The following HS3ST4 variants were observed in gnomAD, a reference collection of about 807,000 sequenced individuals.
The protein encoded by HS3ST4 is heparan sulfate-glucosamine 3-sulfotransferase 4.
A neutral mutation model predicts 29.2 loss-of-function variants in HS3ST4; 17 were observed. The ratio of observed to expected loss-of-function variants is 0.58; its 90% CI spans 0.40 to 0.87. The LOEUF (loss-of-function observed/expected upper bound fraction) is 0.87. Among genes scored for constraint, HS3ST4 ranks in the 40% least tolerant of loss-of-function variants. The pLI is 0.00. For missense variants in HS3ST4, 627 were observed against 634.5 expected, an observed-to-expected ratio of 0.99 and a Z score of 0.13; for synonymous variants, 314 against 285.7, an observed-to-expected ratio of 1.10 and a Z score of -1.00.
chr16:25,862,729 T>G (rs1967651478), intron 1 of HS3ST4, among the ~76,000 whole-genome samples: 1 of 152,210 alleles, frequency 6.6e-6, no homozygotes, highest in African/African-American at 2.4e-5. Context: ...CAATTATGAG[T>G]GATGTAGCTA....
intron 1 of HS3ST4, chr16:25,824,763 A>G (rs1044725486): frequency 5.3e-5 from 8 of 152,214 alleles, no homozygotes; most frequent in African/African-American, 1.9e-4. Context: ...GGTGCCACAT[A>G]TAGAAGTCTT....
At chr16:25,899,130 G>A (rs1002072628) in intron 1 of HS3ST4, among the ~76,000 whole-genome samples, 1 of 152,138 alleles carries the variant, frequency 6.6e-6, no homozygotes, top group African/African-American at 2.4e-5. Context: ...CTCCATGACT[G>A]AAAGATCCTG....
At chr16:25,770,642 G>A (rs997936409) in intron 1 of HS3ST4, among the ~76,000 whole-genome samples, 1 of 152,124 alleles carries the variant, frequency 6.6e-6, no homozygotes, top group African/African-American at 2.4e-5. Context: ...AGCTACCTGG[G>A]GTAACTTTGC....
intron 1 of HS3ST4, among the ~76,000 whole-genome samples, chr16:25,750,008 T>C (rs1201291570): frequency 3.9e-5 from 6 of 152,206 alleles, no homozygotes; most frequent in African/African-American, 1.4e-4. Context: ...TGCTCATATA[T>C]TCTGTGGTGG....
At chr16:25,828,226 C>A (rs1967240962) in intron 1 of HS3ST4, among the ~76,000 whole-genome samples, 1 of 75,400 alleles carries the variant, frequency 1.3e-5, no homozygotes. Context: ...TCTTTCCTTT[C>A]TTTCTTTCTT....
intron 1 of HS3ST4, among the ~76,000 whole-genome samples, chr16:26,045,961 CA>C (rs1898259907): frequency 6.6e-6 from 1 of 152,128 alleles, no homozygotes; most frequent in Non-Finnish European, 1.5e-5. Flanking sequence ...TTTTACATTA[CA>C]TCGAAATTAC....
intron 1 of HS3ST4, among the ~76,000 whole-genome samples, chr16:25,864,382 A>G (rs1211934362): frequency 7.5e-6 from 1 of 133,692 alleles, no homozygotes; most frequent in Non-Finnish European, 1.6e-5. Context: ...GGTTGGTGCA[A>G]AAGTAATTGT....
chr16:25,777,021 A>G (rs1172182623), intron 1 of HS3ST4, among the ~76,000 whole-genome samples: 3 of 152,004 alleles, frequency 2.0e-5, no homozygotes, highest in African/African-American at 2.4e-5. Flanking sequence ...ACTTTTTTCC[A>G]TGGTTATTAT....
At chr16:25,788,992 T>A (rs1022667420) in intron 1 of HS3ST4, among the ~76,000 whole-genome samples, 4 of 152,142 alleles carry the variant, frequency 2.6e-5, no homozygotes, top group Admixed American at 6.5e-5. Context: ...CAAGTCTCAT[T>A]GGCCCAATTT....
chr16:25,816,054 G>T (rs1425885615), intron 1 of HS3ST4, among the ~76,000 whole-genome samples: 1 of 152,016 alleles, frequency 6.6e-6, no homozygotes, highest in Non-Finnish European at 1.5e-5. Context: ...AAAATCTAAA[G>T]GAGAAATAAA....
rs370255750 is a variant in HS3ST4 at position 25,835,896 on chromosome 16, T to C, written c.734+142745T>C. On this transcript the variant is annotated intron_variant, in intron 1 of 1. Coordinates refer to ENST00000331351, the MANE Select transcript of HS3ST4 (RefSeq NM_006040.3). ...GCAACAGAAATTGACGCTGGCTCAC[T>C]GAAGCAGAAGAGAACTTAGTGGGAA... is the stretch of plus-strand genomic sequence containing the variant. Among the ~76,000 whole-genome samples the C allele has an allele frequency of 3.3e-5, 5 of 152,252 alleles. No homozygotes were observed. The East Asian group carries it at 7.7e-4, about 24-fold the overall frequency.
chr16:25,770,676 G>A (rs1188283905), intron 1 of HS3ST4, among the ~76,000 whole-genome samples: 2 of 152,196 alleles, frequency 1.3e-5, no homozygotes, highest in Non-Finnish European at 2.9e-5. Flanking sequence ...CGGCCTGAAT[G>A]GCTGCCCTGC....
At chr16:25,974,376 C>G (rs1968924575) in intron 1 of HS3ST4, among the ~76,000 whole-genome samples, 1 of 152,188 alleles carries the variant, frequency 6.6e-6, no homozygotes. Flanking sequence ...TGCTAAGCCG[C>G]TTAGCCATTT....
At chr16:25,925,893 A>G (rs1266404029) in intron 1 of HS3ST4, among the ~76,000 whole-genome samples, 1 of 151,798 alleles carries the variant, frequency 6.6e-6, no homozygotes, top group East Asian at 1.9e-4. Flanking sequence ...CTCTCCTTCT[A>G]CCTGCAATGT....
intron 1 of HS3ST4, among the ~76,000 whole-genome samples, chr16:26,041,503 A>G (rs1969635820): frequency 6.6e-6 from 1 of 152,150 alleles, no homozygotes; most frequent in Non-Finnish European, 1.5e-5. Flanking sequence ...AACAAACAAA[A>G]CAAAACCCTG....
chr16:26,068,432 C>T (rs1039046240), intron 1 of HS3ST4, among the ~76,000 whole-genome samples: 1 of 152,200 alleles, frequency 6.6e-6, no homozygotes, highest in African/African-American at 2.4e-5. Context: ...ATTCTAGCCT[C>T]ATTTTACAGG....
At chr16:26,064,220 C>T (rs977861864) in intron 1 of HS3ST4, among the ~76,000 whole-genome samples, 1 of 152,162 alleles carries the variant, frequency 6.6e-6, no homozygotes, top group Non-Finnish European at 1.5e-5. Context: ...CCAGTGTAGC[C>T]AAATCTTCCA....
chr16:25,850,761 G>T (rs1263149176), intron 1 of HS3ST4, among the ~76,000 whole-genome samples: 1 of 152,134 alleles, frequency 6.6e-6, no homozygotes, highest in African/African-American at 2.4e-5. Context: ...TCATACAAAG[G>T]CACAAAGACA....
chr16:25,771,429 T>A (rs1966841851), intron 1 of HS3ST4, among the ~76,000 whole-genome samples: 1 of 152,034 alleles, frequency 6.6e-6, no homozygotes, highest in South Asian at 2.1e-4. Flanking sequence ...CTGTTGTGGG[T>A]TTCACATGCT....
Sources: allele counts gnomAD v4.1 joint callset (sites outside exome capture counted in the v4.1 genomes callset), GRCh38; gene constraint gnomAD v4.1.1; transcripts MANE v1.5; gene names NCBI Gene and HGNC (gene_info 2026-07-23, HGNC 2026-07-21).